NPHS1: variants seen among roughly 807,000 people sequenced by gnomAD.
NPHS1 encodes NPHS1 adhesion molecule, nephrin.
Under a neutral mutation model 139.7 loss-of-function variants are expected in NPHS1, and 107 were observed. The ratio of observed to expected loss-of-function variants is 0.77; its 90% CI spans 0.66 to 0.90. The LOEUF is 0.90. Among genes scored for constraint, NPHS1 ranks in the 40% least tolerant of loss-of-function variants. NPHS1 has a pLI of 0.00. For synonymous variants in NPHS1, 707 were observed against 706.6 expected, an observed-to-expected ratio of 1.00 and a Z score of -0.01; for missense variants, 1,580 against 1,654.2, an observed-to-expected ratio of 0.96 and a Z score of 0.78.
chr19:35,846,937 T>C (rs1470882111), intron 11 of NPHS1, among the ~76,000 whole-genome samples: 1 of 152,232 alleles, frequency 6.6e-6, no homozygotes, highest in Non-Finnish European at 1.5e-5. Flanking sequence ...TCTCTTTCAT[T>C]TTAATGAAAT....
Position 35,834,803 on chromosome 19 carries a change from G to A in NPHS1, c.3166+902C>T, listed in dbSNP as rs8107493. Among the ~76,000 whole-genome samples, 787 of 149,510 alleles carry A rather than the reference G, an allele frequency of 5.3e-3. 5 individuals carry two copies. Among genetic ancestry groups the A allele is most frequent in the African/African-American group, 0.018 (740 of 40,542 alleles). ...CTACTCGGGAGGCTGAGGCAGGAGA[G>A]GAAGCCGGGAGGTGGAGATAGCAGT... On this transcript the variant is annotated intron_variant, in intron 23 of 28. Coordinates refer to ENST00000378910, the MANE Select transcript of NPHS1 (RefSeq NM_004646.4).
chr19:35,830,920 C>T lies in NPHS1; in HGVS notation c.3518G>A (p.Gly1173Glu). The change falls in exon 28 of 29, where the codon GGG becomes GAG. Residue 1173 changes from glycine (G) to glutamate (E), a missense_variant. Transcript: ENST00000378910. ...TGEDEDMAFPGHLYDEVERTY... is the reference protein window; with the variant it reads ...TGEDEDMAFPEHLYDEVERTY... ...TCTTTCTACCTCATCATACAAGTGC[C>T]CAGGGAAGGCCATATCCTCATCTTC... is the stretch of plus-strand genomic sequence containing the variant. 1 of 1,614,026 alleles carries T rather than the reference C, an allele frequency of 6.2e-7. No individual in the cohort carries two copies. Among genetic ancestry groups the T allele is most frequent in the Non-Finnish European group, 8.5e-7 (1 of 1,179,928 alleles).
chr19:35,849,128 G>C lies in NPHS1; in HGVS notation c.860C>G (p.Thr287Arg), dbSNP rs1333165836. 31 of 1,609,774 alleles carry C rather than the reference G, an allele frequency of 1.9e-5. No individual in the cohort carries two copies. Among genetic ancestry groups the C allele is most frequent in the Non-Finnish European group, 2.4e-5 (28 of 1,180,022 alleles). Reference sequence around the variant, plus strand: ...CTGGGTGTGCTCTGTGCCCCACGCTGTGGACACCGGCTGGCCATTCTGGAG... The same window carrying C: ...CTGGGTGTGCTCTGTGCCCCACGCTCTGGACACCGGCTGGCCATTCTGGAG... ...QWLKNGQPVSTAWGTEHTQAV... is the reference protein window; with the variant it reads ...QWLKNGQPVSRAWGTEHTQAV... The change falls in exon 8 of 29, where the codon ACA becomes AGA. Residue 287 changes from threonine to arginine, a missense_variant. Thr to Arg is a moderately conservative substitution (Grantham distance 71). Coordinates refer to ENST00000378910, the MANE Select transcript of NPHS1 (RefSeq NM_004646.4).
intron 11 of NPHS1, among the ~76,000 whole-genome samples, chr19:35,846,819 T>C (rs999440577): frequency 6.6e-6 from 1 of 152,176 alleles, no homozygotes; most frequent in Non-Finnish European, 1.5e-5. Context: ...CAGAATTCCA[T>C]CCAATTAAAA....
In NPHS1 at chr19:35,825,596, C is replaced by G. The variant is rs1972791168; in HGVS notation, c.*918G>C. 6.6e-6 allele frequency among the ~76,000 whole-genome samples: 1 copy of G among 152,144 alleles called. No individual in the cohort carries two copies. The highest frequency in any genetic ancestry group is 6.6e-5 in the Admixed American group (1 of 15,262). On this transcript the variant is annotated 3_prime_UTR_variant, in exon 29 of 29. Coordinates refer to ENST00000378910, the MANE Select transcript of NPHS1 (RefSeq NM_004646.4). Reference sequence around the variant, plus strand: ...GAAACCTCTGCTGTGCTCTCTGCCACCGTAGATTAGTTTTGCCTATTTTAG... The same window carrying G: ...GAAACCTCTGCTGTGCTCTCTGCCAGCGTAGATTAGTTTTGCCTATTTTAG...
chr19:35,831,802 A>T, intron 23 of NPHS1, 40 bp from the exon 24 acceptor site: 1 of 1,547,490 alleles, frequency 6.5e-7, no homozygotes, highest in Non-Finnish European at 8.7e-7. Context: ...CCCAGACAAC[A>T]GGCTGTAGGC....
intron 20 of NPHS1, 59 bp from the exon 21 acceptor site, chr19:35,839,666 G>T: frequency 7.3e-7 from 1 of 1,367,518 alleles, no homozygotes; most frequent in Non-Finnish European, 1.0e-6. Context: ...AGAAGATTCT[G>T]TCCAGGTTTT....
At chr19:35,837,954 A>AAC (rs1555761319) in intron 22 of NPHS1, among the ~76,000 whole-genome samples, 81 of 151,460 alleles carry the variant, frequency 5.3e-4, no homozygotes, top group African/African-American at 1.9e-3. Context: ...AAAAAAAAAA[A>AAC]AAAAAACGAA....
At chr19:35,839,700 C>A in intron 20 of NPHS1, 93 bp from the exon 21 acceptor site, 1 of 991,032 alleles carries the variant, frequency 1.0e-6, no homozygotes, top group Non-Finnish European at 1.6e-6. Flanking sequence ...TTTAAATATA[C>A]AATCGCTTCT....
chr19:35,836,995 CAAA>C (rs1187182464), intron 22 of NPHS1, among the ~76,000 whole-genome samples: 3 of 37,616 alleles, frequency 8.0e-5, no homozygotes, highest in Admixed American at 3.5e-4. Context: ...GATTCCATTG[CAAA>C]AAAAAAAAAA....
At chr19:35,839,753 C>T (rs1345766234) in intron 20 of NPHS1, 146 bp from the exon 21 acceptor site, 1 of 718,546 alleles carries the variant, frequency 1.4e-6, no homozygotes, top group Non-Finnish European at 2.4e-6. Flanking sequence ...TCATGGTGAA[C>T]ACTGCTCTGG....
In NPHS1 at chr19:35,848,139, C is replaced by G. The variant is rs1402815412; in HGVS notation, c.1342G>C (p.Gly448Arg). The change falls in exon 11 of 29, where the codon GGT (glycine) becomes CGT (arginine). Residue 448 changes from glycine (G) to arginine (R), a missense_variant. Gly to Arg is a moderately radical substitution (Grantham distance 125). Transcript: ENST00000378910. ...KYPAQKLWIE[G>R]PPEGQKLRAG... ...CGGAGCTTCTGGCCCTCTGGGGGACCCTCAATCCACAGTTTCTGGGCGGGA... is the reference window on the plus strand; with the variant it reads ...CGGAGCTTCTGGCCCTCTGGGGGACGCTCAATCCACAGTTTCTGGGCGGGA... 5 of 1,613,896 alleles carry G rather than the reference C, an allele frequency of 3.1e-6. No homozygotes were observed. The highest frequency in any genetic ancestry group is 3.4e-6 in the Non-Finnish European group (4 of 1,180,012).
chr19:35,847,676 T>TTG (rs1239114496), intron 11 of NPHS1, among the ~76,000 whole-genome samples: 1 of 151,868 alleles, frequency 6.6e-6, no homozygotes, highest in African/African-American at 2.4e-5. Context: ...GCATTGTTTT[T>TTG]TTTTTTTTTC....
rs1313753290 is a variant in NPHS1 at position 35,841,702 on chromosome 19, A to G, written c.2815+13T>C. ...AGCACCCCCTCCCCAACACCCTCAC[A>G]GCCCCTCCATACTGATGCTGACAAG... On this transcript the variant is annotated intron_variant, in intron 20 of 28. Transcript: ENST00000378910. 1 of 1,614,058 alleles carries G rather than the reference A, an allele frequency of 6.2e-7. No homozygotes were observed. The highest frequency in any genetic ancestry group is 8.5e-7 in the Non-Finnish European group (1 of 1,179,970).
chr19:35,849,005 T>C lies in NPHS1; in HGVS notation c.983A>G (p.Gln328Arg), dbSNP rs1481823807. The change falls in exon 8 of 29, where the codon CAG (glutamine) becomes CGG (arginine). Residue 328 changes from glutamine to arginine, a missense_variant. Coordinates refer to ENST00000378910, the MANE Select transcript of NPHS1 (RefSeq NM_004646.4). Reference protein sequence around the residue: ...EAHNSVSAGTQEHGITLQVTF... With the variant: ...EAHNSVSAGTREHGITLQVTF... The stretch of plus-strand genomic sequence containing the variant: ...GACCTGCAGTGTGATGCCGTGCTCC[T>C]GGGTCCCTGCAGACACGCTGTTGTG... 6.2e-7 allele frequency: 1 copy of C among 1,612,256 alleles called. No individual in the cohort carries two copies.
chr19:35,848,207 G>A, intron 10 of NPHS1, 42 bp from the exon 11 acceptor site: 1 of 1,614,110 alleles, frequency 6.2e-7, no homozygotes, highest in Non-Finnish European at 8.5e-7. Flanking sequence ...TCTCTGTGCT[G>A]GGTCCTGAGG....
chr19:35,832,769 C>T (rs1972901088), intron 23 of NPHS1, among the ~76,000 whole-genome samples: 2 of 150,316 alleles, frequency 1.3e-5, no homozygotes, highest in Admixed American at 1.3e-4. Context: ...CACCTGTAGT[C>T]CCAGTTACTT....
intron 22 of NPHS1, 32 bp from the exon 23 acceptor site, chr19:35,835,793 C>G: frequency 6.3e-7 from 1 of 1,581,950 alleles, no homozygotes; most frequent in Non-Finnish European, 8.7e-7. Context: ...TGTGACTTAA[C>G]ACTAAGAATC....
rs1446563634 is a variant in NPHS1, at chr19:35,850,449, G to C, written c.527-4C>G. 6.2e-7 allele frequency: 1 copy of C among 1,613,806 alleles called. No homozygotes were observed. The highest frequency in any genetic ancestry group is 8.5e-7 in the Non-Finnish European group (1 of 1,179,720). On this transcript the variant is annotated splice_polypyrimidine_tract_variant and splice_region_variant and intron_variant, in intron 4 of 28. Transcript: ENST00000378910. ...ATGTCAGATATTGTCTGTCCACCTT[G>C]GGGCAGCAAGAGGGCTAGAGGGGTT...
Sources: gnomAD v4.1 joint callset for allele counts (sites outside exome capture counted in the v4.1 genomes callset) on GRCh38, gnomAD v4.1.1 for gene constraint, MANE v1.5 for transcripts, NCBI Gene and HGNC (gene_info 2026-07-23, HGNC 2026-07-21) for gene names.